PCCA: variants seen among roughly 807,000 people sequenced by gnomAD.
PCCA encodes propionyl-CoA carboxylase subunit alpha.
Under a neutral mutation model 101.3 loss-of-function variants are expected in PCCA, and 74 were observed. That is an observed-to-expected ratio of 0.73 (90% CI 0.61 to 0.89). The LOEUF is 0.89. Among genes scored for constraint, PCCA ranks in the 40% least tolerant of loss-of-function variants. The pLI is 0.00. For missense variants in PCCA, 891 were observed against 907.0 expected, an observed-to-expected ratio of 0.98 and a Z score of 0.23; for synonymous variants, 294 against 313.6, an observed-to-expected ratio of 0.94 and a Z score of 0.66.
At chr13:100,338,263 A>G (rs1394677120) in intron 17 of PCCA, among the ~76,000 whole-genome samples, 3 of 152,202 alleles carry the variant, frequency 2.0e-5, no homozygotes, top group African/African-American at 7.2e-5. Context: ...ATTGATATTT[A>G]CCACATTATA....
intron 21 of PCCA, among the ~76,000 whole-genome samples, chr13:100,461,019 A>G (rs1282007129): frequency 6.6e-6 from 1 of 152,200 alleles, no homozygotes; most frequent in Non-Finnish European, 1.5e-5. Context: ...TGAAAACCCA[A>G]CCTGATCTCA....
intron 2 of PCCA, among the ~76,000 whole-genome samples, chr13:100,108,327 C>G (rs548691061): frequency 6.6e-6 from 1 of 152,192 alleles, no homozygotes; most frequent in Non-Finnish European, 1.5e-5. Flanking sequence ...TCTCATCTAT[C>G]TTCAAGGATC....
At chr13:100,218,992 T>C (rs2059669080) in intron 7 of PCCA, among the ~76,000 whole-genome samples, 2 of 152,188 alleles carry the variant, frequency 1.3e-5, no homozygotes, top group African/African-American at 4.8e-5. Flanking sequence ...TACAAGGACA[T>C]AATTCTGCCA....
intron 12 of PCCA, among the ~76,000 whole-genome samples, chr13:100,277,209 C>T (rs1281224932): frequency 6.6e-6 from 1 of 152,034 alleles, no homozygotes; most frequent in Non-Finnish European, 1.5e-5. Flanking sequence ...TTATGGTGCC[C>T]ACTAAAAGTG....
chr13:100,504,304 C>T (rs1021574445), intron 21 of PCCA, among the ~76,000 whole-genome samples: 56 of 152,140 alleles, frequency 3.7e-4, no homozygotes, highest in African/African-American at 1.3e-3. Context: ...GATAGGACAA[C>T]GTTCCAAGTC....
intron 6 of PCCA, among the ~76,000 whole-genome samples, chr13:100,191,570 A>G (rs1280902494): frequency 2.0e-5 from 3 of 152,224 alleles, no homozygotes; most frequent in Non-Finnish European, 2.9e-5. Flanking sequence ...GAGTGAAGGC[A>G]GGCTCCACAG....
intron 16 of PCCA, among the ~76,000 whole-genome samples, chr13:100,318,446 A>C (rs547286670): frequency 7.9e-5 from 12 of 151,324 alleles, no homozygotes; most frequent in Admixed American, 7.9e-4. Flanking sequence ...CTCGTCATTT[A>C]CATTAGGTAT....
At chr13:100,186,100 A>C (rs117937999) in intron 6 of PCCA, among the ~76,000 whole-genome samples, 2 of 152,218 alleles carry the variant, frequency 1.3e-5, no homozygotes, top group Non-Finnish European at 2.9e-5. Flanking sequence ...CTTTGAATCA[A>C]TATTTTATCA....
At chr13:100,215,043 A>G (rs1566724221) in intron 7 of PCCA, among the ~76,000 whole-genome samples, 2 of 152,214 alleles carry the variant, frequency 1.3e-5, no homozygotes, top group Non-Finnish European at 2.9e-5. Flanking sequence ...TGTATCCGCC[A>G]TACTTGACAT....
intron 21 of PCCA, among the ~76,000 whole-genome samples, chr13:100,451,524 C>G (rs1326504275): frequency 6.6e-6 from 1 of 152,120 alleles, no homozygotes. Flanking sequence ...GCTGGGAAGT[C>G]CACTCATGCT....
chr13:100,384,469 CTGTAA>C (rs1260924740), intron 19 of PCCA, among the ~76,000 whole-genome samples: 11 of 152,144 alleles, frequency 7.2e-5, no homozygotes, highest in Admixed American at 7.2e-4. Flanking sequence ...TATAAAGAAT[CTGTAA>C]TGTATCTTCA....
intron 19 of PCCA, among the ~76,000 whole-genome samples, chr13:100,400,405 C>T (rs1421519364): frequency 6.6e-6 from 1 of 151,982 alleles, no homozygotes; most frequent in Non-Finnish European, 1.5e-5. Context: ...CTGTTCTGTG[C>T]GCTTATGTAT....
chr13:100,499,034 A>G (rs2085475644), intron 21 of PCCA, among the ~76,000 whole-genome samples: 1 of 152,210 alleles, frequency 6.6e-6, no homozygotes, highest in Non-Finnish European at 1.5e-5. Context: ...AAAATCATTG[A>G]TGTCAATTCA....
chr13:100,113,794 G>A (rs1223878368), intron 4 of PCCA, among the ~76,000 whole-genome samples: 3 of 151,934 alleles, frequency 2.0e-5, no homozygotes, highest in Non-Finnish European at 4.4e-5. Context: ...GGCCAGGCTG[G>A]TCTTGAACTC....
chr13:100,234,153 T>C (rs1319008781), intron 7 of PCCA, among the ~76,000 whole-genome samples: 1 of 152,214 alleles, frequency 6.6e-6, no homozygotes, highest in Non-Finnish European at 1.5e-5. Context: ...GAGGCACTAA[T>C]TGTTCGCATT....
chr13:100,267,765 A>T (rs1595026401), intron 10 of PCCA, among the ~76,000 whole-genome samples: 1 of 152,226 alleles, frequency 6.6e-6, no homozygotes, highest in Admixed American at 6.5e-5. Flanking sequence ...TGAAAAAGAT[A>T]CATGTTAAAT....
chr13:100,174,885 T>C (rs2056094705), intron 6 of PCCA, among the ~76,000 whole-genome samples: 1 of 152,126 alleles, frequency 6.6e-6, no homozygotes, highest in Non-Finnish European at 1.5e-5. Flanking sequence ...ATATTAATTA[T>C]ATCTTTATTC....
chr13:100,483,327 A>G (rs1330330946), intron 21 of PCCA, among the ~76,000 whole-genome samples: 1 of 151,504 alleles, frequency 6.6e-6, no homozygotes, highest in Non-Finnish European at 1.5e-5. Context: ...AAAGCTTCCC[A>G]CTGTTCTCAG....
chr13:100,174,169 G>A (rs1284522274), intron 6 of PCCA, among the ~76,000 whole-genome samples: 1 of 151,950 alleles, frequency 6.6e-6, no homozygotes, highest in East Asian at 1.9e-4. Flanking sequence ...ATTTATAGAT[G>A]TAGAAATAAT....
Sources: gnomAD v4.1 joint callset for allele counts (sites outside exome capture counted in the v4.1 genomes callset) on GRCh38, gnomAD v4.1.1 for gene constraint, MANE v1.5 for transcripts, NCBI Gene and HGNC (gene_info 2026-07-23, HGNC 2026-07-21) for gene names.